Variants in RBFOX1 observed in about 807,000 individuals in gnomAD.
RBFOX1 encodes RNA binding fox-1 homolog 1.
Under a neutral mutation model 57.7 loss-of-function variants are expected in RBFOX1, and 8 were observed. That is an observed-to-expected ratio of 0.14 (90% CI 0.08 to 0.25). The LOEUF (loss-of-function observed/expected upper bound fraction) is 0.25. Among genes scored for constraint, RBFOX1 ranks in the 10% least tolerant of loss-of-function variants. The pLI, the probability that RBFOX1 is intolerant of heterozygous loss-of-function variation, is 1.00. For synonymous variants in RBFOX1, 326 were observed against 222.4 expected (o/e 1.47, Z -4.15); for missense variants, 611 against 548.5 (o/e 1.11, Z -1.14).
chr16:5,376,992 G>C (rs756445497), intron 1 of RBFOX1, among the ~76,000 whole-genome samples: 1 of 150,818 alleles, frequency 6.6e-6, no homozygotes, highest in Non-Finnish European at 1.5e-5. Flanking sequence ...GGGCTTACCT[G>C]CTAAATAAAC....
intron 2 of RBFOX1, among the ~76,000 whole-genome samples, chr16:6,646,454 C>G (rs12925281): frequency 0.76 from 116,182 of 151,950 alleles, 44,498 homozygotes; most frequent in Admixed American, 0.85. Flanking sequence ...TCTGCCAGAT[C>G]GCTCTTTTCT....
chr16:7,156,268 A>G (rs1601314337), intron 4 of RBFOX1, among the ~76,000 whole-genome samples: 3 of 91,596 alleles, frequency 3.3e-5, no homozygotes, highest in Admixed American at 9.4e-5. Context: ...GTATGTGTAC[A>G]TGTACATGTA....
chr16:6,882,677 C>A (rs143563969), intron 3 of RBFOX1, among the ~76,000 whole-genome samples: 1,831 of 152,218 alleles, frequency 0.012, 22 homozygotes, highest in Non-Finnish European at 0.02. Flanking sequence ...TACCCATTGG[C>A]TGTATGGATA....
chr16:5,239,870 G>A (rs923273326), exon 1 of RBFOX1: 7 of 1,380,266 alleles, frequency 5.1e-6, no homozygotes, highest in Non-Finnish European at 5.9e-6. Context: ...CCAAGTGCAG[G>A]CAGAGCCCCC....
intron 4 of RBFOX1, among the ~76,000 whole-genome samples, chr16:7,075,707 A>G (rs2058164580): frequency 6.6e-6 from 1 of 152,142 alleles, no homozygotes; most frequent in Middle Eastern, 3.4e-3. Flanking sequence ...CAGTCTCCCG[A>G]GTAGCTGGGA....
At chr16:6,021,295 C>G (rs897100756) in intron 1 of RBFOX1, among the ~76,000 whole-genome samples, 1 of 152,196 alleles carries the variant, frequency 6.6e-6, no homozygotes, top group South Asian at 2.1e-4. Context: ...CATCCCTTCC[C>G]TGCCCCCTGT....
intron 1 of RBFOX1, chr16:5,261,028 G>C (rs1278942619): frequency 1.3e-5 from 2 of 152,320 alleles, no homozygotes; most frequent in South Asian, 2.1e-4. Context: ...GGTCCAGATA[G>C]TTACTTTGTC....
chr16:5,344,412 C>A (rs368888825), intron 1 of RBFOX1, among the ~76,000 whole-genome samples: 1 of 152,186 alleles, frequency 6.6e-6, no homozygotes, highest in Non-Finnish European at 1.5e-5. Flanking sequence ...AATCCCTTCT[C>A]AGGGTAAAAT....
chr16:6,147,540 C>T (rs753510050), intron 1 of RBFOX1, among the ~76,000 whole-genome samples: 1 of 152,016 alleles, frequency 6.6e-6, no homozygotes, highest in Non-Finnish European at 1.5e-5. Context: ...TTAAAGGTCC[C>T]CAATAGGAGC....
At chr16:5,394,183 C>G (rs1444890935) in intron 1 of RBFOX1, among the ~76,000 whole-genome samples, 3 of 152,002 alleles carry the variant, frequency 2.0e-5, no homozygotes, top group Non-Finnish European at 4.4e-5. Context: ...ACTACCGTAC[C>G]CGGCTAATTT....
intron 1 of RBFOX1, among the ~76,000 whole-genome samples, chr16:6,259,793 AC>A (rs2097690634): frequency 6.6e-6 from 1 of 152,014 alleles, no homozygotes; most frequent in African/African-American, 2.4e-5. Context: ...CGCCATTTGT[AC>A]TAAAAATACA....
intron 1 of RBFOX1, among the ~76,000 whole-genome samples, chr16:5,432,645 G>A (rs1009881140): frequency 6.8e-6 from 1 of 147,522 alleles, no homozygotes; most frequent in Non-Finnish European, 1.5e-5. Flanking sequence ...CTTTTTTCTG[G>A]TATCAGAGAA....
In RBFOX1 at chr16:6,862,806, G is replaced by A. The variant is rs1193545528; in HGVS notation, c.-15-189251G>A. On this transcript the variant is annotated intron_variant, in intron 3 of 15. Coordinates refer to ENST00000550418, the MANE Select transcript of RBFOX1 (RefSeq NM_018723.4). ...TGAAGATCAGCCTGGCCAAAATGGT[G>A]AAACCTCGTCTCTACTAAAAATACA... Among the ~76,000 whole-genome samples the A allele has an allele frequency of 2.0e-5, 3 of 152,018 alleles. No homozygotes were observed. In the East Asian group the frequency reaches 5.8e-4, roughly 29 times the overall value.
chr16:6,649,486 C>G (rs898843596), intron 2 of RBFOX1, among the ~76,000 whole-genome samples: 2 of 152,142 alleles, frequency 1.3e-5, no homozygotes, highest in African/African-American at 2.4e-5. Context: ...TACACCGTAC[C>G]CAACGTGTAA....
intron 2 of RBFOX1, among the ~76,000 whole-genome samples, chr16:6,514,256 C>T (rs934795891): frequency 2.6e-5 from 4 of 152,278 alleles, no homozygotes; most frequent in South Asian, 2.1e-4. Context: ...AGCACACACA[C>T]GTACACGGGC....
At chr16:5,909,772 C>G (rs1285078499) in intron 4 of RBFOX1, among the ~76,000 whole-genome samples, 1 of 152,138 alleles carries the variant, frequency 6.6e-6, no homozygotes, top group African/African-American at 2.4e-5. Flanking sequence ...AGCAACGTGG[C>G]TGGGCGTGGT....
intron 3 of RBFOX1, among the ~76,000 whole-genome samples, chr16:6,841,153 A>G (rs1000497447): frequency 6.6e-6 from 1 of 151,900 alleles, no homozygotes; most frequent in Non-Finnish European, 1.5e-5. Context: ...ATATTAGCCT[A>G]TGGCATTTTG....
chr16:5,372,955 C>A (rs2065897453), intron 1 of RBFOX1, among the ~76,000 whole-genome samples: 1 of 152,230 alleles, frequency 6.6e-6, no homozygotes. Flanking sequence ...AGGTGAGGAC[C>A]TTTCCAGACA....
rs1183502485 is a variant in RBFOX1 at position 5,255,380 on chromosome 16, C to G, written c.219+15275C>G. ...TCCATCCATCCATCCATCCATCCATCCAGACATGCATACATCCATCCACCC... is the reference window on the plus strand; with the variant it reads ...TCCATCCATCCATCCATCCATCCATGCAGACATGCATACATCCATCCACCC... On this transcript the variant is annotated intron_variant, in intron 1 of 2. Transcript: ENST00000585867. Among the ~76,000 whole-genome samples the G allele has an allele frequency of 3.3e-5, 5 of 151,540 alleles. 1 individual carries two copies. The highest frequency in any genetic ancestry group is 2.1e-4 in the South Asian group (1 of 4,794).
Sources: gnomAD v4.1 joint callset for allele counts (sites outside exome capture counted in the v4.1 genomes callset) on GRCh38, gnomAD v4.1.1 for gene constraint, MANE v1.5 for transcripts, NCBI Gene and HGNC (gene_info 2026-07-23, HGNC 2026-07-21) for gene names.